MBTD1: variants seen among roughly 807,000 people sequenced by gnomAD.
MBTD1 encodes the protein MBT domain-containing protein 1.
In MBTD1, 24 loss-of-function variants were observed where a neutral mutation model predicts 87.8. The observed-to-expected ratio is 0.27, with a 90% CI of 0.20 to 0.38. The LOEUF is 0.38. MBTD1 is among the 10% of genes least tolerant of loss of function. MBTD1 has a pLI of 1.00. For missense variants in MBTD1, 436 were observed against 760.2 expected, an observed-to-expected ratio of 0.57 and a Z score of 5.02; for synonymous variants, 237 against 248.6, an observed-to-expected ratio of 0.95 and a Z score of 0.44.
chr17:51,260,688 C>A (rs1415611163), upstream of MBTD1: 1 of 1,608,198 alleles, frequency 6.2e-7, no homozygotes, highest in East Asian at 2.2e-5. Context: ...GGAGCGGGGC[C>A]AGGCGGGCCT....
At chr17:51,227,651 A>T (rs190182543) in intron 2 of MBTD1, among the ~76,000 whole-genome samples, 401 of 152,264 alleles carry the variant, frequency 2.6e-3, no homozygotes, top group Non-Finnish European at 4.3e-3. Context: ...AGGGTCTAAC[A>T]GAAAATTTTG....
At chr17:51,216,357 G>A (rs2052569754) in intron 6 of MBTD1, among the ~76,000 whole-genome samples, 1 of 152,094 alleles carries the variant, frequency 6.6e-6, no homozygotes, top group East Asian at 1.9e-4. Flanking sequence ...GTTGTAGTCA[G>A]GTTAAACAAG....
Position 51,178,508 on chromosome 17 carries a change from TA to T in MBTD1, c.*2067del, listed in dbSNP as rs1158255784. 4 of 152,208 alleles carry T rather than the reference TA, an allele frequency of 2.6e-5. No homozygotes were observed. The highest frequency in any genetic ancestry group is 9.6e-5 in the African/African-American group (4 of 41,460). The allele number at this position is 152,208 out of a possible 1,614,324, so 9.4% of individuals were successfully genotyped here. ...TTTAGTCAGTTCCCCATGGAGCTCC[TA>T]AATCCAAGGTACTGGCAGAGTACAC... On this transcript the variant is annotated 3_prime_UTR_variant, in exon 17 of 17. Transcript: ENST00000586178.
At chr17:51,230,917 T>C (rs1169290716) in intron 2 of MBTD1, among the ~76,000 whole-genome samples, 3 of 152,002 alleles carry the variant, frequency 2.0e-5, no homozygotes, top group African/African-American at 4.8e-5. Flanking sequence ...TCACCTCCAT[T>C]TGGAGGCGAC....
chr17:51,201,560 G>C (rs372014904), intron 12 of MBTD1, 32 bp downstream of exon 12: 1 of 1,383,314 alleles, frequency 7.2e-7, no homozygotes, highest in Non-Finnish European at 1.0e-6. Context: ...TCCTATAATT[G>C]CATTTCTATA....
At chr17:51,193,129 A>G in intron 14 of MBTD1, 113 bp from the exon 15 acceptor site, 1 of 732,806 alleles carries the variant, frequency 1.4e-6, no homozygotes, top group Non-Finnish European at 2.3e-6. Context: ...ATAATTATAA[A>G]CCATAAATTC....
chr17:51,236,329 T>G (rs2053835072), intron 2 of MBTD1, among the ~76,000 whole-genome samples: 1 of 152,160 alleles, frequency 6.6e-6, no homozygotes, highest in Non-Finnish European at 1.5e-5. Context: ...CACTGCAACC[T>G]TCACCTCCTG....
At chr17:51,181,232 G>A (rs775027420) in intron 16 of MBTD1, among the ~76,000 whole-genome samples, 38 of 152,030 alleles carry the variant, frequency 2.5e-4, no homozygotes, top group Middle Eastern at 3.4e-3. Context: ...TCATCATGTT[G>A]GCCAGGATGG....
At chr17:51,190,257 T>C (rs750471279) in intron 16 of MBTD1, among the ~76,000 whole-genome samples, 1 of 152,148 alleles carries the variant, frequency 6.6e-6, no homozygotes, top group Non-Finnish European at 1.5e-5. Context: ...AAGTATACTT[T>C]TACATTTTTT....
intron 16 of MBTD1, chr17:51,185,555 G>C (rs538481575): frequency 7.9e-4 from 120 of 152,306 alleles, no homozygotes; most frequent in African/African-American, 2.7e-3. Context: ...CTAAGATTGT[G>C]ATCAATGTTA....
At chr17:51,234,843 A>C (rs2053745036) in intron 2 of MBTD1, among the ~76,000 whole-genome samples, 1 of 151,706 alleles carries the variant, frequency 6.6e-6, no homozygotes, top group Non-Finnish European at 1.5e-5. Context: ...ACAGGCATAT[A>C]CCACCACGCC....
chr17:51,233,973 T>C (rs11868199), intron 2 of MBTD1, among the ~76,000 whole-genome samples: 59,782 of 148,296 alleles, frequency 0.4, 13,268 homozygotes, highest in East Asian at 0.61. Flanking sequence ...AAACTAAAAA[T>C]AGAAAAAAGG....
chr17:51,250,979 TTC>T (rs1219410526), intron 2 of MBTD1: 1 of 152,234 alleles, frequency 6.6e-6, no homozygotes. Context: ...TCTTCTATTT[TTC>T]TGTTTAATCT....
chr17:51,257,168 CTTGTT>C (rs1223445329), intron 2 of MBTD1, among the ~76,000 whole-genome samples: 2 of 152,190 alleles, frequency 1.3e-5, no homozygotes, highest in African/African-American at 2.4e-5. Flanking sequence ...AATATCTTAG[CTTGTT>C]TTAACTATTG....
chr17:51,180,641 G>T lies in MBTD1; in HGVS notation c.1822C>A (p.Leu608Ile). 6.4e-7 allele frequency: 1 copy of T among 1,551,636 alleles called. No homozygotes were observed. ...ELLDGEDYNFLQGASDQESNG... is the reference protein window; with the variant it reads ...ELLDGEDYNFIQGASDQESNG... ...CTTTCCTGATCAGACGCTCCTTGAA[G>T]GAAATTATAATCCTCTCCATCCAGC... Residue 608 changes from leucine to isoleucine, a missense_variant, in exon 17 of 17, where the codon CTT becomes ATT. By Grantham distance (5) the Leu-to-Ile change is conservative. Around this residue, in one of 5 missense-constraint regions of MBTD1, gnomAD observed 32 missense variants for 34.7 expected, o/e 0.92. Transcript: ENST00000586178.
At chr17:51,260,899 G>A (rs750859051), upstream of MBTD1, 18 of 1,594,368 alleles carry the variant, frequency 1.1e-5, no homozygotes, top group African/African-American at 5.4e-5. Flanking sequence ...ACGAGGACGC[G>A]TTGCTGCGGC....
intron 16 of MBTD1, chr17:51,183,166 CTTTTTTTTTTT>C (rs68187851): frequency 1.8e-5 from 2 of 112,338 alleles, no homozygotes; most frequent in Non-Finnish European, 3.5e-5. Flanking sequence ...AAAGAATAAT[CTTTTTTTTTTT>C]TTTTTTTTTT....
At position 51,199,834 on chromosome 17, in the gene MBTD1, T is replaced by C. The variant is rs144503118; in HGVS notation, c.1224+1758A>G. Among the ~76,000 whole-genome samples, 233 of 151,046 alleles carry C rather than the reference T, an allele frequency of 1.5e-3. 3 individuals are homozygous for C. The highest frequency in any genetic ancestry group is 0.013 in the Admixed American group (196 of 15,212). On this transcript the variant is annotated intron_variant, in intron 12 of 16. Coordinates refer to ENST00000586178, the MANE Select transcript of MBTD1 (RefSeq NM_017643.3). ...TGTTTTCCTTTTTCTTTTTTTCTGT[T>C]TTTTTTTTGAGACAGAGTCTCGCTC... is the stretch of plus-strand genomic sequence containing the variant.
chr17:51,227,809 G>A (rs534838806), intron 2 of MBTD1, among the ~76,000 whole-genome samples: 10 of 151,170 alleles, frequency 6.6e-5, no homozygotes, highest in African/African-American at 1.7e-4. Flanking sequence ...CAAATTAGCC[G>A]AGCGTGGTGG....
Sources: allele counts gnomAD v4.1 joint callset (sites outside exome capture counted in the v4.1 genomes callset), GRCh38; gene constraint gnomAD v4.1.1; regional missense constraint gnomAD v4.1.1; transcripts MANE v1.5; gene names NCBI Gene and HGNC (gene_info 2026-07-23, HGNC 2026-07-21).